TMPRSS9: variants seen among roughly 807,000 people sequenced by gnomAD.
The protein encoded by TMPRSS9 is transmembrane protease serine 9.
TMPRSS9 carries 113 observed loss-of-function variants against 111.4 expected under a neutral mutation model. The observed-to-expected ratio is 1.01, with a 90% CI of 0.87 to 1.19. TMPRSS9 has a LOEUF of 1.19. Among genes scored for constraint, TMPRSS9 ranks in the 50% most tolerant of loss-of-function variants. TMPRSS9 has a pLI of 0.00. For synonymous variants in TMPRSS9, 805 were observed against 659.1 expected, an observed-to-expected ratio of 1.22 and a Z score of -3.39; for missense variants, 1,803 against 1,513.1, an observed-to-expected ratio of 1.19 and a Z score of -3.18.
chr19:2,374,960 TC>T (rs768338671), intron 1 of TMPRSS9, among the ~76,000 whole-genome samples: 6 of 152,172 alleles, frequency 3.9e-5, no homozygotes, highest in Non-Finnish European at 1.5e-5. Context: ...AGAACTTGGC[TC>T]CACGACGAAA....
intron 1 of TMPRSS9, among the ~76,000 whole-genome samples, chr19:2,380,225 A>C (rs1970375666): frequency 6.6e-6 from 1 of 152,050 alleles, no homozygotes; most frequent in East Asian, 1.9e-4. Flanking sequence ...TCGAGGCTGC[A>C]ATGAGCTACA....
At chr19:2,424,626 C>T (rs1971559910) in intron 15 of TMPRSS9, among the ~76,000 whole-genome samples, 1 of 151,900 alleles carries the variant, frequency 6.6e-6, no homozygotes, top group Non-Finnish European at 1.5e-5. Flanking sequence ...TCCAGCCCCC[C>T]AAAGCCCACC....
At chr19:2,415,722 C>T (rs763094353) in exon 11 of TMPRSS9, 25 of 1,609,372 alleles carry the variant, frequency 1.6e-5, no homozygotes, top group East Asian at 6.7e-5. Flanking sequence ...TGGGCGGGTT[C>T]GGAGCTGCCT....
chr19:2,396,505 T>G, intron 1 of TMPRSS9, 34 bp from the exon 3 acceptor site: 1 of 1,559,684 alleles, frequency 6.4e-7, no homozygotes, highest in South Asian at 1.2e-5. Flanking sequence ...CCCCCAAAGG[T>G]GGGCTCTCTC....
chr19:2,382,299 A>AT (rs1568171658), intron 1 of TMPRSS9, among the ~76,000 whole-genome samples: 5 of 117,284 alleles, frequency 4.3e-5, no homozygotes, highest in African/African-American at 1.5e-4. Flanking sequence ...TGCCCGGCTA[A>AT]TTTTTTTATT....
intron 12 of TMPRSS9, among the ~76,000 whole-genome samples, chr19:2,417,647 C>CA (rs938964779): frequency 1.3e-5 from 2 of 151,994 alleles, no homozygotes; most frequent in African/African-American, 2.4e-5. Context: ...GACCCTGTCT[C>CA]AAAAAACAAA....
chr19:2,423,351 TC>T (rs1971509284), intron 14 of TMPRSS9, among the ~76,000 whole-genome samples: 1 of 151,660 alleles, frequency 6.6e-6, no homozygotes, highest in South Asian at 2.1e-4. Flanking sequence ...TGTCAGATTA[TC>T]CAAGGCCACC....
rs1971160643 is a variant in TMPRSS9, at chr19:2,413,901, G to GC, written c.1461dup (p.Ser488GlnfsTer9). The GC allele has an allele frequency of 6.2e-7, 1 of 1,612,740 alleles. No individual in the cohort carries two copies. On this transcript the variant is annotated frameshift_variant, in exon 10 of 18. Coordinates refer to ENST00000648592, the Ensembl canonical transcript of TMPRSS9. LOFTEE classifies it high-confidence loss of function. ...CCCCACCATGGCTCCTGCCCCTGCC[G>GC]CCCCCAGCACAGCCTGGCCCACCAG... is the stretch of plus-strand genomic sequence containing the variant.
rs1568463617 is a variant in TMPRSS9 at position 2,361,467 on chromosome 19, TGA to T, written c.-26+1109_-26+1110del. ...CAGTTCTCACCCTCGGAGCCGCTTC[TGA>T]GTAAACACACACTGGGATGTAACAA... On this transcript the variant is annotated intron_variant, in intron 1 of 17. Transcript: ENST00000649857. Among the ~76,000 whole-genome samples, 171 of 152,018 alleles carry T rather than the reference TGA, an allele frequency of 1.1e-3. 4 individuals carry two copies. In the East Asian group the frequency reaches 0.032, roughly 29 times the overall value.
In TMPRSS9 at chr19:2,407,598, C is replaced by CTTTTCT. The variant is rs796767660; in HGVS notation, c.843-754_843-749dup. On this transcript the variant is annotated intron_variant, in intron 7 of 17. Coordinates refer to ENST00000648592, the Ensembl canonical transcript of TMPRSS9. ...ATTCTCCTGCACCTGTGATTTTTTT[C>CTTTTCT]TTTTCTTTTCTTTTTTTTTTTTTTT... Among the ~76,000 whole-genome samples, 281 of 47,242 alleles carry CTTTTCT rather than the reference C, an allele frequency of 5.9e-3. 1 individual carries two copies. The highest frequency in any genetic ancestry group is 0.052 in the South Asian group (57 of 1,104). The allele number at this position is 47,242 out of a possible 152,430, so 31.0% of individuals were successfully genotyped here. A position where few individuals can be genotyped will look rare whatever the true frequency, so the allele number is the denominator to read the frequency against.
At chr19:2,379,627 T>TTCTTTCTTTC (rs1555676520) in intron 1 of TMPRSS9, among the ~76,000 whole-genome samples, 2 of 140,188 alleles carry the variant, frequency 1.4e-5, no homozygotes, top group African/African-American at 5.6e-5. Flanking sequence ...CTTTCTTTCT[T>TTCTTTCTTTC]TCTTTCTTTC....
At chr19:2,406,960 T>C (rs1970982267) in intron 7 of TMPRSS9, among the ~76,000 whole-genome samples, 1 of 151,368 alleles carries the variant, frequency 6.6e-6, no homozygotes, top group South Asian at 2.1e-4. Context: ...CCACCATGGC[T>C]GGCTAATTTT....
At chr19:2,424,852 G>A in intron 15 of TMPRSS9, 150 bp from the exon 17 acceptor site, 2 of 1,005,640 alleles carry the variant, frequency 2.0e-6, no homozygotes, top group Non-Finnish European at 1.3e-6. Flanking sequence ...GCCTGATGGG[G>A]GAGACTGAGC....
At chr19:2,361,101 G>A (rs2145232192) in intron 1 of TMPRSS9, among the ~76,000 whole-genome samples, 1 of 141,232 alleles carries the variant, frequency 7.1e-6, no homozygotes, top group East Asian at 2.0e-4. Context: ...TCTGGGGTCA[G>A]GGGTGGCGGG....
chr19:2,416,560 G>T, exon 12 of TMPRSS9: 1 of 1,610,042 alleles, frequency 6.2e-7, no homozygotes, highest in South Asian at 1.1e-5. Context: ...GCAGGTTCGG[G>T]CCCACCTGGG....
chr19:2,409,033 G>A (rs28625229), intron 8 of TMPRSS9, among the ~76,000 whole-genome samples: 21,535 of 79,182 alleles, frequency 0.27, 1,862 homozygotes, highest in African/African-American at 0.45. Context: ...TAATAATAAT[G>A]ATGATGCAGA....
chr19:2,397,949 G>T (rs190376658), intron 2 of TMPRSS9, among the ~76,000 whole-genome samples: 3 of 126,020 alleles, frequency 2.4e-5, no homozygotes, highest in Non-Finnish European at 4.9e-5. Flanking sequence ...TAGGCTGGGC[G>T]TGGTGGCTCA....
intron 10 of TMPRSS9, among the ~76,000 whole-genome samples, chr19:2,414,946 T>A (rs1274583554): frequency 6.7e-6 from 1 of 150,374 alleles, no homozygotes; most frequent in East Asian, 2.0e-4. Context: ...TTCCTATTTT[T>A]TTTTTTTTTT....
chr19:2,424,288 A>AT (rs1687268829), intron 15 of TMPRSS9, 31 bp downstream of exon 16: 1 of 1,329,008 alleles, frequency 7.5e-7, no homozygotes, highest in South Asian at 2.5e-5. Flanking sequence ...ATGCCCCTAC[A>AT]TGTCTCTGTA....
Sources: allele counts gnomAD v4.1 joint callset (sites outside exome capture counted in the v4.1 genomes callset), GRCh38; gene constraint gnomAD v4.1.1; transcripts MANE v1.5; gene names NCBI Gene and HGNC (gene_info 2026-07-23, HGNC 2026-07-21).